The following RIOK1 variants were observed in gnomAD, a reference collection of about 807,000 sequenced individuals.
RIOK1 encodes RIO kinase 1, also known as serine/threonine-protein kinase RIO1.
A neutral mutation model predicts 73.5 loss-of-function variants in RIOK1; 66 were observed. That is an observed-to-expected ratio of 0.90 (90% CI 0.74 to 1.10). The LOEUF is 1.10. RIOK1 is among the 50% of genes least tolerant of loss of function. The pLI is 0.00. For missense variants in RIOK1, 658 were observed against 699.8 expected (o/e 0.94, Z 0.67); for synonymous variants, 224 against 226.8 (o/e 0.99, Z 0.11).
chr6:7,400,927 G>C (rs555177586), intron 5 of RIOK1, 31 bp from the exon 6 acceptor site: 2 of 1,429,806 alleles, frequency 1.4e-6, no homozygotes, highest in East Asian at 2.3e-5. Context: ...ACCGTCTTTT[G>C]GAACTTTTTA....
intron 1 of RIOK1, among the ~76,000 whole-genome samples, chr6:7,392,662 G>C (rs1203052261): frequency 6.6e-6 from 1 of 152,038 alleles, no homozygotes; most frequent in Non-Finnish European, 1.5e-5. Flanking sequence ...TGGGATCAAA[G>C]GTGTGAACCG....
chr6:7,415,816 A>C (rs1397503781), intron 16 of RIOK1, among the ~76,000 whole-genome samples: 1 of 152,250 alleles, frequency 6.6e-6, no homozygotes, highest in Non-Finnish European at 1.5e-5. Flanking sequence ...CTACTGTCAC[A>C]TGAGTATGAT....
intron 6 of RIOK1, 103 bp downstream of exon 6, chr6:7,401,153 C>T: frequency 5.6e-6 from 1 of 177,912 alleles, no homozygotes; most frequent in South Asian, 9.3e-5. Context: ...GAAAGAAAAA[C>T]AAAGCCATAC....
At chr6:7,403,009 C>A in intron 8 of RIOK1, 112 bp downstream of exon 8, 1 of 813,534 alleles carries the variant, frequency 1.2e-6, no homozygotes. Context: ...CTTGTTAGGG[C>A]CTTTATTTCT....
At chr6:7,404,578 G>A (rs529453544) in intron 10 of RIOK1, 23 bp downstream of exon 10, 32 of 1,608,240 alleles carry the variant, frequency 2.0e-5, no homozygotes, top group Non-Finnish European at 2.6e-5. Context: ...TGTCTCTTAA[G>A]AACTGCCTGT....
chr6:7,407,312 C>A (rs1236940774), intron 12 of RIOK1, among the ~76,000 whole-genome samples: 1 of 152,158 alleles, frequency 6.6e-6, no homozygotes, highest in Non-Finnish European at 1.5e-5. Flanking sequence ...AATCTCCATA[C>A]CCTCACCAAC....
At chr6:7,394,637 A>C (rs1761427420) in intron 2 of RIOK1, among the ~76,000 whole-genome samples, 1 of 152,204 alleles carries the variant, frequency 6.6e-6, no homozygotes, top group Non-Finnish European at 1.5e-5. Context: ...CCTCGTACTT[A>C]ATATTTCCCT....
At chr6:7,410,526 C>A in intron 13 of RIOK1, 75 bp downstream of exon 13, 2 of 916,126 alleles carry the variant, frequency 2.2e-6, no homozygotes, top group Non-Finnish European at 3.5e-6. Flanking sequence ...GTTGCTAGAG[C>A]ATAAACTTGA....
At chr6:7,396,142 G>A (rs190666321) in intron 3 of RIOK1, among the ~76,000 whole-genome samples, 26 of 152,260 alleles carry the variant, frequency 1.7e-4, no homozygotes, top group Admixed American at 9.8e-4. Context: ...TCGATGCCAG[G>A]CATCAGAATG....
At position 7,410,423 on chromosome 6, in the gene RIOK1, G is replaced by A. The variant is rs751700321; in HGVS notation, c.1241G>A (p.Arg414Gln). ...EIASQRTKEERSSQDHVDEEV... is the reference protein window; with the variant it reads ...EIASQRTKEEQSSQDHVDEEV... ...GCATCTCAAAGGACCAAGGAAGAACGGTCTAGCCAAGATCATGTGGATGAA... is the reference window on the plus strand; with the variant it reads ...GCATCTCAAAGGACCAAGGAAGAACAGTCTAGCCAAGATCATGTGGATGAA... Residue 414 changes from arginine (R) to glutamine (Q), a missense_variant, in exon 13 of 17, where the codon CGG becomes CAG. Coordinates refer to ENST00000379834, the MANE Select transcript of RIOK1 (RefSeq NM_031480.3). 4.7e-5 allele frequency: 75 copies of A among 1,612,144 alleles called. No individual in the cohort carries two copies. The South Asian group carries it at 6.5e-4, about 14-fold the overall frequency.
At chr6:7,396,519 C>T (rs375278955) in intron 3 of RIOK1, among the ~76,000 whole-genome samples, 184 bp from the exon 4 acceptor site, 26 of 152,192 alleles carry the variant, frequency 1.7e-4, no homozygotes, top group African/African-American at 5.3e-4. Flanking sequence ...ACGAAGGAAA[C>T]GCAGTTTAGT....
chr6:7,417,466 C>G lies in RIOK1; in HGVS notation c.*25C>G. 1 of 1,385,400 alleles carries G rather than the reference C, an allele frequency of 7.2e-7. No homozygotes were observed. The highest frequency in any genetic ancestry group is 9.8e-7 in the Non-Finnish European group (1 of 1,018,632). The allele number at this position is 1,385,400 out of a possible 1,614,324, so 85.8% of individuals were successfully genotyped here. A position where few individuals can be genotyped will look rare whatever the true frequency, so the allele number is the denominator to read the frequency against. ...GAATGAGAACCATATTATGTACAGT[C>G]ATTTTCCTCAGTTCCTTTTCTCGCC... On this transcript the variant is annotated 3_prime_UTR_variant, in exon 17 of 17. Transcript: ENST00000379834.
chr6:7,407,549 A>G (rs1761778431), intron 12 of RIOK1, among the ~76,000 whole-genome samples: 1 of 151,702 alleles, frequency 6.6e-6, no homozygotes, highest in Non-Finnish European at 1.5e-5. Context: ...CAGTGGTACA[A>G]TCCTGTCTCA....
intron 6 of RIOK1, among the ~76,000 whole-genome samples, chr6:7,402,298 C>T (rs763041100): frequency 4.6e-5 from 7 of 152,262 alleles, no homozygotes; most frequent in Middle Eastern, 3.4e-3. Flanking sequence ...ATTTATCTAT[C>T]TAAACATAGA....
chr6:7,415,183 C>G (rs34817047), intron 16 of RIOK1, among the ~76,000 whole-genome samples: 16,472 of 152,144 alleles, frequency 0.11, 1,200 homozygotes, highest in East Asian at 0.32. Flanking sequence ...GCCTGTAATC[C>G]TAGCACTTTG....
intron 4 of RIOK1, 116 bp from the exon 5 acceptor site, chr6:7,398,582 T>C: frequency 1.4e-6 from 1 of 717,926 alleles, no homozygotes; most frequent in Non-Finnish European, 2.4e-6. Flanking sequence ...TCATAAAATC[T>C]GTTATTTAGA....
intron 12 of RIOK1, 55 bp downstream of exon 12, chr6:7,405,410 C>G: frequency 9.5e-7 from 1 of 1,056,030 alleles, no homozygotes. Context: ...TGCAGTATCT[C>G]TTATCTCAAG....
chr6:7,413,739 TAAA>T (rs1351445783), intron 15 of RIOK1, among the ~76,000 whole-genome samples: 1 of 152,218 alleles, frequency 6.6e-6, no homozygotes, highest in Non-Finnish European at 1.5e-5. Context: ...ACCTCACTCT[TAAA>T]AACTGCTAGG....
intron 16 of RIOK1, among the ~76,000 whole-genome samples, chr6:7,416,302 A>G (rs974728471): frequency 4.7e-4 from 72 of 152,228 alleles, no homozygotes; most frequent in African/African-American, 1.6e-3. Flanking sequence ...GTATTTGCAA[A>G]CATTTAATAA....
Sources: gnomAD v4.1 joint callset for allele counts (sites outside exome capture counted in the v4.1 genomes callset) on GRCh38, gnomAD v4.1.1 for gene constraint, MANE v1.5 for transcripts, NCBI Gene and HGNC (gene_info 2026-07-23, HGNC 2026-07-21) for gene names.